Variants in SHISAL1 observed in about 807,000 individuals in gnomAD.
The protein encoded by SHISAL1 is protein shisa-like-1.
In SHISAL1, 9 loss-of-function variants were observed where a neutral mutation model predicts 22.6. That is an observed-to-expected ratio of 0.40 (90% CI 0.24 to 0.70). SHISAL1 has a LOEUF of 0.70. Ranked by LOEUF, SHISAL1 falls within the 30% of genes least tolerant of loss-of-function variation. The pLI is 0.39. For missense variants in SHISAL1, 246 were observed against 270.6 expected (o/e 0.91, Z 0.64); for synonymous variants, 119 against 115.4 (o/e 1.03, Z -0.20).
At chr22:44,291,047 T>A (rs1179259417) in intron 3 of SHISAL1, among the ~76,000 whole-genome samples, 1 of 152,184 alleles carries the variant, frequency 6.6e-6, no homozygotes, top group Non-Finnish European at 1.5e-5. Context: ...CTCACTCCAC[T>A]GGTAACAGGC....
intron 4 of SHISAL1, among the ~76,000 whole-genome samples, chr22:44,250,615 A>C (rs2055040681): frequency 6.6e-6 from 1 of 152,158 alleles, no homozygotes; most frequent in African/African-American, 2.4e-5. Flanking sequence ...TGGTCACATG[A>C]CCCAGTCTGG....
At chr22:44,282,606 C>T (rs910732591) in intron 4 of SHISAL1, among the ~76,000 whole-genome samples, 3 of 152,206 alleles carry the variant, frequency 2.0e-5, no homozygotes, top group African/African-American at 7.2e-5. Context: ...GGAGAAAGAG[C>T]TGGGGTGGGC....
At chr22:44,268,729 G>T (rs2055183960) in intron 4 of SHISAL1, among the ~76,000 whole-genome samples, 1 of 152,200 alleles carries the variant, frequency 6.6e-6, no homozygotes, top group Admixed American at 6.5e-5. Flanking sequence ...GAGGAATGAG[G>T]AGGAGCTCGC....
At chr22:44,280,451 G>A (rs1054732500) in intron 4 of SHISAL1, among the ~76,000 whole-genome samples, 7 of 152,130 alleles carry the variant, frequency 4.6e-5, no homozygotes, top group African/African-American at 1.7e-4. Flanking sequence ...GCGTGGGAGT[G>A]ACAAGAGTCC....
At chr22:44,280,974 A>G (rs116825435) in intron 4 of SHISAL1, among the ~76,000 whole-genome samples, 1 of 152,170 alleles carries the variant, frequency 6.6e-6, no homozygotes, top group African/African-American at 2.4e-5. Context: ...CCACAGCCTC[A>G]GTGATGATGA....
chr22:44,276,494 T>C (rs113126917), intron 4 of SHISAL1, among the ~76,000 whole-genome samples: 5,817 of 150,252 alleles, frequency 0.039, 411 homozygotes, highest in African/African-American at 0.14. Context: ...GTCAGGGAGA[T>C]ATGTGGAGGC....
intron 2 of SHISAL1, among the ~76,000 whole-genome samples, chr22:44,300,188 GAC>G (rs1387271813): frequency 6.6e-6 from 1 of 151,966 alleles, no homozygotes. Flanking sequence ...TACAGAGACA[GAC>G]ACAGACACAC....
At chr22:44,253,491 T>C (rs943794935) in intron 4 of SHISAL1, among the ~76,000 whole-genome samples, 1 of 150,066 alleles carries the variant, frequency 6.7e-6, no homozygotes, top group Non-Finnish European at 1.5e-5. Context: ...TGCAATGGTA[T>C]GATCTCAGCT....
At chr22:44,331,131 A>G in the SHISAL1 span, among the ~76,000 whole-genome samples, 1 of 151,430 alleles carries the variant, frequency 6.6e-6, no homozygotes, top group African/African-American at 2.4e-5. This position sits in a 1 kb window ranked among gnomAD's most constrained non-coding sequence, Gnocchi z 5.2. Flanking sequence ...CTCTCTTCGG[A>G]ACCCAGCCCC....
intron 1 of SHISAL1, among the ~76,000 whole-genome samples, chr22:44,307,980 G>C (rs2055491333): frequency 6.6e-6 from 1 of 152,168 alleles, no homozygotes; most frequent in Non-Finnish European, 1.5e-5. Context: ...CCCCTCCTCA[G>C]CCCACCACGC....
Position 44,300,925 on chromosome 22 carries a change from C to A in SHISAL1, c.21G>T (p.Gln7His), listed in dbSNP as rs780072697. 9 of 1,614,086 alleles carry A rather than the reference C, an allele frequency of 5.6e-6. No homozygotes were observed. The African/African-American group carries it at 1.1e-4, about 19-fold the overall frequency. ...AGAGGACGGCGAGCACGTTCAAGGA[C>A]TGCTGGCCACAACTGGTCATCGTCT... MTSCGQ[Q>H]SLNVLAVLFS... Residue 7 changes from glutamine to histidine, a missense_variant, in exon 2 of 5, where the codon CAG becomes CAT. Physicochemically the swap from Gln to His is conservative, Grantham distance 24. Around this residue, in one of 2 missense-constraint regions of SHISAL1, gnomAD observed 110 missense variants for 153.1 expected, o/e 0.72. Coordinates refer to ENST00000381176, the MANE Select transcript of SHISAL1 (RefSeq NM_001099294.2).
In SHISAL1 at chr22:44,310,565, T is replaced by C. The variant is rs893993006; in HGVS notation, c.-33+2186A>G. On this transcript the variant is annotated intron_variant, in intron 1 of 4. Transcript: ENST00000381176. This position sits in a 1 kb window ranked among gnomAD's most constrained non-coding sequence, Gnocchi z 4.0. ...AGCCGTGCCCCACACCTTGCAGGTATACCAAACATAGAAAGGACCAGAAGC... is the reference window on the plus strand; with the variant it reads ...AGCCGTGCCCCACACCTTGCAGGTACACCAAACATAGAAAGGACCAGAAGC... Among the ~76,000 whole-genome samples the C allele has an allele frequency of 4.6e-5, 7 of 152,150 alleles. No homozygotes were observed. The highest frequency in any genetic ancestry group is 1.4e-4 in the African/African-American group (6 of 41,434).
rs371372556 is a variant in SHISAL1, at chr22:44,285,420, C to A, written c.599+8G>T. Reference sequence around the variant, plus strand: ...AAATCATTCTGGGTCTCAATTGTAGCCACTCACCAGGCAGACGAACTCTGG... The same window carrying A: ...AAATCATTCTGGGTCTCAATTGTAGACACTCACCAGGCAGACGAACTCTGG... On this transcript the variant is annotated splice_region_variant and intron_variant, in intron 4 of 4. Coordinates refer to ENST00000381176, the MANE Select transcript of SHISAL1 (RefSeq NM_001099294.2). The A allele has an allele frequency of 1.9e-6, 3 of 1,613,646 alleles. No homozygotes were observed. The highest frequency in any genetic ancestry group is 2.5e-6 in the Non-Finnish European group (3 of 1,179,740).
chr22:44,270,383 G>C (rs1188935320), intron 4 of SHISAL1, among the ~76,000 whole-genome samples: 1 of 152,172 alleles, frequency 6.6e-6, no homozygotes, highest in Non-Finnish European at 1.5e-5. Context: ...GGGTGACAAG[G>C]ACGTGTCCCT....
the SHISAL1 span, among the ~76,000 whole-genome samples, chr22:44,324,454 G>A: frequency 2.6e-5 from 4 of 152,184 alleles, no homozygotes; most frequent in Non-Finnish European, 5.9e-5. Flanking sequence ...GTTCCTGCCT[G>A]GCTGCTTCAT....
chr22:44,266,835 G>A (rs8136910), intron 4 of SHISAL1, among the ~76,000 whole-genome samples: 15,323 of 152,096 alleles, frequency 0.1, 1,899 homozygotes, highest in African/African-American at 0.27. Context: ...AAACCAAAAT[G>A]AAGATCCTGC....
At chr22:44,290,529 C>CTAAAAAAAAAA (rs2055345259) in intron 3 of SHISAL1, among the ~76,000 whole-genome samples, 1 of 84,292 alleles carries the variant, frequency 1.2e-5, no homozygotes, top group African/African-American at 4.7e-5. Flanking sequence ...AACTCAGTCT[C>CTAAAAAAAAAA]AAAAAAAAAA....
At chr22:44,249,897 T>C (rs990471802) in intron 4 of SHISAL1, among the ~76,000 whole-genome samples, 1 of 152,126 alleles carries the variant, frequency 6.6e-6, no homozygotes, top group Non-Finnish European at 1.5e-5. Context: ...CTCTGGCCCA[T>C]GCAATAAGAC....
chr22:44,279,474 G>A (rs142145568), intron 4 of SHISAL1, among the ~76,000 whole-genome samples: 9 of 152,298 alleles, frequency 5.9e-5, no homozygotes, highest in Admixed American at 1.3e-4. Flanking sequence ...GAAACCACAC[G>A]CCAAGGACCC....
Sources: gnomAD v4.1 joint callset for allele counts (sites outside exome capture counted in the v4.1 genomes callset) on GRCh38, gnomAD v4.1.1 for gene constraint, gnomAD v4.1.1 regional missense constraint, Gnocchi (gnomAD v3.1) non-coding constraint, MANE v1.5 for transcripts, NCBI Gene and HGNC (gene_info 2026-07-23, HGNC 2026-07-21) for gene names.